CASK: variants seen among roughly 807,000 people sequenced by gnomAD.
The protein encoded by CASK is peripheral plasma membrane protein CASK.
In CASK, 4 loss-of-function variants were observed where a neutral mutation model predicts 82.9. That is an observed-to-expected ratio of 0.05 (90% CI 0.02 to 0.11). CASK has a LOEUF of 0.11. Among genes scored for constraint, CASK ranks in the 10% least tolerant of loss-of-function variants. The pLI is 1.00. For synonymous variants in CASK, 259 were observed against 253.5 expected (o/e 1.02, Z -0.20); for missense variants, 358 against 720.9 (o/e 0.50, Z 5.76).
chrX:41,593,349 T>G (rs906406642), intron 12 of CASK, among the ~76,000 whole-genome samples: 2 of 111,590 alleles, frequency 1.8e-5, no homozygotes, highest in African/African-American at 6.5e-5. Context: ...GGGCTCATTT[T>G]GTCACTGTCA....
chrX:41,908,367 C>G (rs1400427163), intron 1 of CASK, among the ~76,000 whole-genome samples: 1 of 112,119 alleles, frequency 8.9e-6, no homozygotes, highest in African/African-American at 3.2e-5. Context: ...CAGAACAAGA[C>G]TCTGTCAAAC....
At chrX:41,671,577 GATAAGGATTCATTGAAGATGA>G (rs773436378) in intron 5 of CASK, 47 bp from the exon 6 acceptor site, 33 of 798,217 alleles carry the variant, frequency 4.1e-5, no homozygotes, top group Non-Finnish European at 6.1e-5. Context: ...CAAACCCGAA[GATAAGGATTCATTGAAGATGA>G]ACAATGCAGT....
At chrX:41,551,679 G>A (rs1157707120) in intron 21 of CASK, among the ~76,000 whole-genome samples, 2 of 108,903 alleles carry the variant, frequency 1.8e-5, no homozygotes, top group Non-Finnish European at 3.8e-5. Context: ...GGTGGATCAC[G>A]AGGTCAGGAG....
chrX:41,671,633 A>G (rs943529019), intron 5 of CASK, 103 bp from the exon 6 acceptor site: 3 of 542,331 alleles, frequency 5.5e-6, no homozygotes, highest in Admixed American at 5.5e-5. Flanking sequence ...ATAACATGAT[A>G]ATAGAGAAAC....
In CASK at chrX:41,770,220, G is replaced by C. The variant is rs150982719; in HGVS notation, c.278+16958C>G. On this transcript the variant is annotated intron_variant, in intron 3 of 26. Transcript: ENST00000378163. ...GAGCTTGTTTTTTTTTTTTGCAAGAGAATAAAAGCCAAAAATAATACAATC... is the reference window on the plus strand; with the variant it reads ...GAGCTTGTTTTTTTTTTTTGCAAGACAATAAAAGCCAAAAATAATACAATC... Among the ~76,000 whole-genome samples the C allele has an allele frequency of 8.5e-3, 898 of 105,847 alleles. 13 individuals carry two copies. Among genetic ancestry groups the C allele is most frequent in the African/African-American group, 0.03 (865 of 28,855 alleles). 91.9% of individuals were successfully genotyped at this position (105,847 alleles called of 115,157 possible).
At chrX:41,591,861 C>T (rs1020927465) in intron 12 of CASK, among the ~76,000 whole-genome samples, 2 of 111,481 alleles carry the variant, frequency 1.8e-5, no homozygotes, top group Non-Finnish European at 3.8e-5. Context: ...AAATACATAA[C>T]ACTTTAAAAA....
At position 41,762,078 on chromosome X, in the gene CASK, A is replaced by G. The variant is rs748474796; in HGVS notation, c.279-16477T>C. On this transcript the variant is annotated intron_variant, in intron 3 of 26. Transcript: ENST00000378163. Reference sequence around the variant, plus strand: ...ATAAAAACACTAGGAGACAGGTACTATTTCACAGATGAGGAAATTGAGGCT... The same window carrying G: ...ATAAAAACACTAGGAGACAGGTACTGTTTCACAGATGAGGAAATTGAGGCT... Among the ~76,000 whole-genome samples, 6 of 112,003 alleles carry G rather than the reference A, an allele frequency of 5.4e-5. No homozygotes were observed. In the South Asian group the frequency reaches 2.2e-3, roughly 42 times the overall value.
chrX:41,877,485 T>C (rs2071848541), intron 1 of CASK, among the ~76,000 whole-genome samples: 1 of 111,457 alleles, frequency 9.0e-6, no homozygotes, highest in Admixed American at 9.5e-5. Context: ...AAATAGATAT[T>C]ATGAGCAAGG....
intron 2 of CASK, among the ~76,000 whole-genome samples, chrX:41,818,730 C>A (rs1226530705): frequency 9.1e-6 from 1 of 109,828 alleles, no homozygotes; most frequent in African/African-American, 3.3e-5. Flanking sequence ...CAGGTATGTA[C>A]AATCAAATTT....
chrX:41,887,829 G>A (rs745504741), intron 1 of CASK, among the ~76,000 whole-genome samples: 1 of 108,875 alleles, frequency 9.2e-6, no homozygotes, highest in Non-Finnish European at 1.9e-5. Flanking sequence ...GTGAAGAAAC[G>A]TGACTCTTAA....
intron 1 of CASK, among the ~76,000 whole-genome samples, chrX:41,855,498 A>G (rs1052409775): frequency 3.6e-5 from 4 of 111,780 alleles, no homozygotes; most frequent in African/African-American, 1.3e-4. Flanking sequence ...AAAAATTTAA[A>G]ATTTGGCTTG....
chrX:41,699,087 C>A (rs1039831300), intron 5 of CASK, among the ~76,000 whole-genome samples: 1 of 109,871 alleles, frequency 9.1e-6, no homozygotes, highest in Non-Finnish European at 1.9e-5. Flanking sequence ...CCACCATGAC[C>A]GGCTGTTTTG....
At chrX:41,834,377 T>C (rs891520841) in intron 2 of CASK, among the ~76,000 whole-genome samples, 2 of 112,128 alleles carry the variant, frequency 1.8e-5, no homozygotes, top group African/African-American at 6.5e-5. Context: ...TTCTTAAGCA[T>C]ATCAACTTTA....
chrX:41,754,393 C>G (rs1412429880), intron 3 of CASK, among the ~76,000 whole-genome samples: 1 of 110,670 alleles, frequency 9.0e-6, no homozygotes, highest in Non-Finnish European at 1.9e-5. Context: ...ACAGTGAGAC[C>G]CTGACTCAAA....
At position 41,534,735 on chromosome X, in the gene CASK, T is replaced by A; in HGVS notation, c.2288A>T (p.His763Leu). 2 of 1,208,534 alleles carry A rather than the reference T, an allele frequency of 1.7e-6. No individual in the cohort carries two copies. Among genetic ancestry groups the A allele is most frequent in the Non-Finnish European group, 2.2e-6 (2 of 892,721 alleles). Reference sequence around the variant, plus strand: ...AATAGGGTACGCAAACCGGTCTGGGTGCTTTGTGATGAGAGTGTTTTTTAT... The same window carrying A: ...AATAGGGTACGCAAACCGGTCTGGGAGCTTTGTGATGAGAGTGTTTTTTAT... ...RHIKNTLITK[H>L]PDRFAYPIPH... Residue 763 changes from histidine to leucine, a missense_variant, in exon 24 of 27, where the codon CAC becomes CTC. Coordinates refer to ENST00000378163, the MANE Select transcript of CASK (RefSeq NM_001367721.1).
chrX:41,529,070 A>G (rs1256600478), intron 25 of CASK, among the ~76,000 whole-genome samples: 4 of 112,269 alleles, frequency 3.6e-5, no homozygotes, highest in South Asian at 3.7e-4. Flanking sequence ...TGGCCCAAAG[A>G]GACTCAGGCA....
At chrX:41,561,313 G>GAT (rs1283788454) in intron 17 of CASK, among the ~76,000 whole-genome samples, 1 of 110,633 alleles carries the variant, frequency 9.0e-6, no homozygotes, top group Non-Finnish European at 1.9e-5. Context: ...AGAAACAGGA[G>GAT]ATAAAGGATA....
rs773950029 is a variant in CASK at position 41,642,446 on chromosome X, T to C, written c.832-5785A>G. 4.5e-5 allele frequency among the ~76,000 whole-genome samples: 5 copies of C among 112,157 alleles called. No homozygotes were observed. In the East Asian group the frequency reaches 8.4e-4, roughly 19 times the overall value. On this transcript the variant is annotated intron_variant, in intron 8 of 26. Transcript: ENST00000378163. ...TTTTAATGATTGCCATTCTAACTGG[T>C]GTGAGATGGTATCTCATTATGGTTT...
intron 1 of CASK, among the ~76,000 whole-genome samples, chrX:41,879,177 G>A (rs2071896267): frequency 9.0e-6 from 1 of 110,782 alleles, no homozygotes; most frequent in Admixed American, 9.6e-5. Context: ...GTAAGAAATG[G>A]TATGCATCAA....
Sources: gnomAD v4.1 joint callset for allele counts (sites outside exome capture counted in the v4.1 genomes callset) on GRCh38, gnomAD v4.1.1 for gene constraint, MANE v1.5 for transcripts, NCBI Gene and HGNC (gene_info 2026-07-23, HGNC 2026-07-21) for gene names.